The following SLC14A2 variants were observed in gnomAD, a reference collection of about 807,000 sequenced individuals.
The protein encoded by SLC14A2 is solute carrier family 14 member 2.
A neutral mutation model predicts 104.6 loss-of-function variants in SLC14A2; 91 were observed. The observed-to-expected ratio is 0.87, with a 90% CI of 0.73 to 1.04. SLC14A2 has a LOEUF of 1.04. SLC14A2 is among the 50% of genes least tolerant of loss of function. SLC14A2 has a pLI of 0.00. For missense variants in SLC14A2, 1,189 were observed against 1,156.0 expected, an observed-to-expected ratio of 1.03 and a Z score of -0.41; for synonymous variants, 476 against 466.4, an observed-to-expected ratio of 1.02 and a Z score of -0.27.
At chr18:45,452,274 C>T (rs969300908) in intron 1 of SLC14A2, among the ~76,000 whole-genome samples, 1 of 152,176 alleles carries the variant, frequency 6.6e-6, no homozygotes. Context: ...TGAAACCCAG[C>T]ACTTGGGGTA....
chr18:45,481,590 A>G (rs939383093), intron 1 of SLC14A2, among the ~76,000 whole-genome samples: 2 of 152,218 alleles, frequency 1.3e-5, no homozygotes, highest in African/African-American at 2.4e-5. Flanking sequence ...ATCTATGTAT[A>G]CAAAATGCTT....
chr18:45,677,381 C>T (rs1038574950), intron 18 of SLC14A2, among the ~76,000 whole-genome samples: 54 of 152,246 alleles, frequency 3.5e-4, no homozygotes, highest in African/African-American at 1.2e-3. Flanking sequence ...TATTCGGGGG[C>T]CTTGGTAGTG....
At chr18:45,284,410 C>G (rs1340520678) in intron 1 of SLC14A2, among the ~76,000 whole-genome samples, 1 of 152,178 alleles carries the variant, frequency 6.6e-6, no homozygotes, top group Non-Finnish European at 1.5e-5. Context: ...TTTCTCCCCT[C>G]TCTGTGTTTG....
chr18:45,603,221 G>T (rs1015868431), intron 2 of SLC14A2, among the ~76,000 whole-genome samples: 1 of 152,076 alleles, frequency 6.6e-6, no homozygotes, highest in Non-Finnish European at 1.5e-5. Flanking sequence ...CCTGGTAAGT[G>T]TACAACAGGT....
chr18:45,384,699 T>G (rs1016586801), intron 1 of SLC14A2, among the ~76,000 whole-genome samples: 1 of 151,916 alleles, frequency 6.6e-6, no homozygotes, highest in African/African-American at 2.4e-5. Context: ...GCCCTCGCAT[T>G]GCCCCCACAG....
chr18:45,356,875 G>A (rs1162665789), intron 1 of SLC14A2, among the ~76,000 whole-genome samples: 1 of 152,208 alleles, frequency 6.6e-6, no homozygotes, highest in Non-Finnish European at 1.5e-5. Context: ...CTTGGAGCCA[G>A]ATACAAGAAG....
intron 1 of SLC14A2, among the ~76,000 whole-genome samples, chr18:45,416,634 T>C (rs1319964385): frequency 1.3e-5 from 2 of 152,118 alleles, no homozygotes. Flanking sequence ...GTCACTATTA[T>C]TGGGAAGGCT....
At chr18:45,345,046 G>A (rs1253664103) in intron 1 of SLC14A2, among the ~76,000 whole-genome samples, 1 of 152,140 alleles carries the variant, frequency 6.6e-6, no homozygotes, top group Non-Finnish European at 1.5e-5. Context: ...ATCCATGATA[G>A]CCTGAGACAG....
intron 5 of SLC14A2, among the ~76,000 whole-genome samples, chr18:45,635,959 C>A (rs944000329): frequency 6.6e-6 from 1 of 152,166 alleles, no homozygotes; most frequent in Non-Finnish European, 1.5e-5. Context: ...AGAAAGCAGA[C>A]AGGGTGTGGA....
At chr18:45,226,699 G>T (rs1771154958) in intron 1 of SLC14A2, among the ~76,000 whole-genome samples, 1 of 151,288 alleles carries the variant, frequency 6.6e-6, no homozygotes, top group Admixed American at 6.6e-5. Flanking sequence ...ATAGCATTAG[G>T]AGATATACCT....
chr18:45,610,263 A>G (rs1304523736), intron 2 of SLC14A2, among the ~76,000 whole-genome samples: 1 of 152,192 alleles, frequency 6.6e-6, no homozygotes, highest in Non-Finnish European at 1.5e-5. Context: ...TCCCAGGTGA[A>G]GCTGATGCTG....
At chr18:45,327,245 A>G (rs960800475) in intron 1 of SLC14A2, among the ~76,000 whole-genome samples, 3 of 134,664 alleles carry the variant, frequency 2.2e-5, no homozygotes, top group African/African-American at 9.0e-5. Flanking sequence ...TGTAATTAGT[A>G]TATTTTTTTT....
intron 2 of SLC14A2, among the ~76,000 whole-genome samples, chr18:45,557,498 G>T (rs747690386): frequency 3.3e-5 from 5 of 152,216 alleles, no homozygotes; most frequent in Non-Finnish European, 7.3e-5. Context: ...TAAGGAAAAG[G>T]TGTTTGGAAA....
At chr18:45,175,134 G>T in the SLC14A2 span, among the ~76,000 whole-genome samples, 2 of 152,172 alleles carry the variant, frequency 1.3e-5, no homozygotes, top group African/African-American at 2.4e-5. Context: ...TTATCCCACA[G>T]ATATACTTGC....
At chr18:45,283,699 G>A (rs1188888010) in intron 1 of SLC14A2, among the ~76,000 whole-genome samples, 1 of 152,144 alleles carries the variant, frequency 6.6e-6, no homozygotes. Flanking sequence ...TCAATTCTGA[G>A]TTCAGTAAGA....
chr18:45,399,887 T>C (rs2086077125), intron 1 of SLC14A2, among the ~76,000 whole-genome samples: 1 of 152,104 alleles, frequency 6.6e-6, no homozygotes, highest in African/African-American at 2.4e-5. Context: ...TTCCTTCTTT[T>C]CTTCTTCCTC....
chr18:45,667,681 C>T, intron 13 of SLC14A2, 152 bp from the exon 14 acceptor site: 3 of 642,584 alleles, frequency 4.7e-6, no homozygotes, highest in Non-Finnish European at 8.4e-6. Context: ...TCTTGAGTTC[C>T]TTGTTTACCA....
rs531724616 is a variant in SLC14A2 at position 45,532,478 on chromosome 18, T to C, written c.-35+49156T>C. Among the ~76,000 whole-genome samples, 12 of 140,532 alleles carry C rather than the reference T, an allele frequency of 8.5e-5. No individual in the cohort carries two copies. The South Asian group carries it at 2.7e-3, about 31-fold the overall frequency. The allele number at this position is 140,532 out of a possible 152,430, so 92.2% of individuals were successfully genotyped here. On this transcript the variant is annotated intron_variant, in intron 2 of 20. Coordinates refer to the SLC14A2 transcript ENST00000586448. ...CTTTGAAGCAATTGTGAATGGGAGT[T>C]CACTCATGATTTGGCTGTTTGTCTG...
chr18:45,510,603 G>A (rs1598941113), intron 2 of SLC14A2, among the ~76,000 whole-genome samples: 1 of 151,972 alleles, frequency 6.6e-6, no homozygotes, highest in South Asian at 2.1e-4. Context: ...AGTGATCTAA[G>A]CCAATGCCCC....
Sources: gnomAD v4.1 joint callset for allele counts (sites outside exome capture counted in the v4.1 genomes callset) on GRCh38, gnomAD v4.1.1 for gene constraint, MANE v1.5 for transcripts, NCBI Gene and HGNC (gene_info 2026-07-23, HGNC 2026-07-21) for gene names.